Variants in C12orf76 observed in about 807,000 individuals in gnomAD.
The protein encoded by C12orf76 is uncharacterized protein C12orf76.
Under a neutral mutation model 6.8 loss-of-function variants are expected in C12orf76, and 6 were observed. The ratio of observed to expected loss-of-function variants is 0.88; its 90% CI spans 0.48 to 1.73. The LOEUF is 1.73. C12orf76 is among the 40% of genes most tolerant of loss of function. The pLI, the probability that C12orf76 is intolerant of heterozygous loss-of-function variation, is 0.01. For synonymous variants in C12orf76, 56 were observed against 43.7 expected (o/e 1.28, Z -1.11); for missense variants, 99 against 98.2 (o/e 1.01, Z -0.03).
At chr12:110,063,772 T>A (rs115199894) in intron 2 of C12orf76, among the ~76,000 whole-genome samples, 10,427 of 151,858 alleles carry the variant, frequency 0.069, 587 homozygotes, top group African/African-American at 0.15. Flanking sequence ...CCAGGCATGA[T>A]GACGGGTGCC....
upstream of C12orf76, among the ~76,000 whole-genome samples, chr12:110,072,626 G>C (rs1182776235): frequency 6.6e-6 from 1 of 151,402 alleles, no homozygotes. Context: ...GTTTCTTTTA[G>C]AAAAAACAAA....
upstream of C12orf76, chr12:110,048,706 C>A (rs1892519237): frequency 2.5e-6 from 3 of 1,221,784 alleles, no homozygotes; most frequent in Non-Finnish European, 3.1e-6. Context: ...ACCAACTTTC[C>A]GTTCAGATCA....
At chr12:110,072,936 G>A (rs1444762243) in intron 1 of C12orf76, among the ~76,000 whole-genome samples, 1 of 144,778 alleles carries the variant, frequency 6.9e-6, no homozygotes, top group Non-Finnish European at 1.5e-5. Context: ...GTACAAGAGC[G>A]AGACTTCATC....
At chr12:110,066,017 T>G in exon 2 of C12orf76, 1 of 1,596,558 alleles carries the variant, frequency 6.3e-7, no homozygotes, top group South Asian at 1.1e-5. Flanking sequence ...GACCTCCCCC[T>G]CAAGCTCTCA....
intron 2 of C12orf76, among the ~76,000 whole-genome samples, chr12:110,060,341 A>G (rs1227119520): frequency 6.6e-6 from 1 of 150,770 alleles, no homozygotes; most frequent in Non-Finnish European, 1.5e-5. Flanking sequence ...ATCTCCATTC[A>G]CTCCTCCGCC....
chr12:110,051,304 C>T (rs1892571314), upstream of C12orf76: 1 of 703,900 alleles, frequency 1.4e-6, no homozygotes, highest in Non-Finnish European at 2.6e-6. Flanking sequence ...CCTCTCTGCA[C>T]AATGGGAAGC....
intron 4 of C12orf76, chr12:110,056,934 T>G (rs1892677898): frequency 2.3e-6 from 1 of 426,474 alleles, no homozygotes; most frequent in South Asian, 3.6e-5. Flanking sequence ...GTAAATTACC[T>G]AGTCTCGAAT....
chr12:110,061,933 G>A (rs1298836099), intron 2 of C12orf76, among the ~76,000 whole-genome samples: 3 of 152,078 alleles, frequency 2.0e-5, no homozygotes, highest in Non-Finnish European at 2.9e-5. Context: ...TTGGACAAGT[G>A]ACTTAACCTT....
Position 110,048,507 on chromosome 12 carries a change from C to G in C12orf76, c.-12G>C, listed in dbSNP as rs1278070292. On this transcript the variant is annotated 5_prime_UTR_variant, in exon 1 of 2. Transcript: ENST00000615315. ...GCTGGACGCAGCATCTTCCCCAGCC[C>G]TGCAGAAGCAGAGAGGCCACTTCCG... The G allele has an allele frequency of 8.5e-6, 12 of 1,413,200 alleles. No individual in the cohort carries two copies. The highest frequency in any genetic ancestry group is 1.1e-5 in the Non-Finnish European group (12 of 1,084,602). The allele number at this position is 1,413,200 out of a possible 1,614,324, so 87.5% of individuals were successfully genotyped here. A position where few individuals can be genotyped will look rare whatever the true frequency, so the allele number is the denominator to read the frequency against.
In C12orf76 at chr12:110,054,495, A is replaced by C. The variant is rs1892636999; in HGVS notation, n.664+2694T>G. 6.6e-6 allele frequency among the ~76,000 whole-genome samples: 1 copy of C among 152,226 alleles called. No individual in the cohort carries two copies. The highest frequency in any genetic ancestry group is 1.9e-4 in the East Asian group (1 of 5,200). On this transcript the variant is annotated intron_variant and non_coding_transcript_variant, in intron 4 of 4. Transcript: ENST00000309050. The surrounding 1 kb of genome is among the most constrained non-coding windows in gnomAD (Gnocchi z 4.4). ...GACTCCATTTATATGAAATACCCAG[A>C]ATAGGTAAATCCATAGAGACAGAGA...
At chr12:110,047,678 A>G (rs1892486027) in intron 1 of C12orf76, among the ~76,000 whole-genome samples, 2 of 152,076 alleles carry the variant, frequency 1.3e-5, no homozygotes, top group Non-Finnish European at 2.9e-5. Context: ...AGGAGACACT[A>G]TTGTAAAAGA....
chr12:110,044,041 A>AAT (rs1892385848), intron 1 of C12orf76: 1 of 152,040 alleles, frequency 6.6e-6, no homozygotes, highest in African/African-American at 2.4e-5. Flanking sequence ...TAAAGAAAAA[A>AAT]AAAAACTAGC....
chr12:110,048,261 C>T (rs1593244358), intron 1 of C12orf76, 102 bp downstream of exon 1: 2 of 1,344,196 alleles, frequency 1.5e-6, no homozygotes, highest in Non-Finnish European at 1.9e-6. Context: ...CACCCATCTC[C>T]CCACTCTATC....
chr12:110,048,342 G>A lies in C12orf76; in HGVS notation c.133+21C>T, dbSNP rs191281727. 5,955 of 1,483,030 alleles carry A rather than the reference G, an allele frequency of 4.0e-3. 18 individuals are homozygous for A. Among genetic ancestry groups the A allele is most frequent in the Non-Finnish European group, 4.9e-3 (5,538 of 1,121,060 alleles). 91.9% of individuals were successfully genotyped at this position (1,483,030 alleles called of 1,614,324 possible). A position where few individuals can be genotyped will look rare whatever the true frequency, so the allele number is the denominator to read the frequency against. ...AAAGCTCAGGCACTACCCGCCGCCC[G>A]CCAGCCCGAGGGCCGCTCACCCAGG... On this transcript the variant is annotated intron_variant, in intron 1 of 1. Transcript: ENST00000615315.
Position 110,048,343 on chromosome 12 carries a change from C to T in C12orf76, c.133+20G>A. On this transcript the variant is annotated intron_variant, in intron 1 of 1. Coordinates refer to ENST00000615315, the MANE Select transcript of C12orf76 (RefSeq NM_001389625.1). ...AAGCTCAGGCACTACCCGCCGCCCG[C>T]CAGCCCGAGGGCCGCTCACCCAGGT... 1.3e-6 allele frequency: 2 copies of T among 1,486,142 alleles called. No homozygotes were observed. Among genetic ancestry groups the T allele is most frequent in the Non-Finnish European group, 1.8e-6 (2 of 1,122,652 alleles). The allele number at this position is 1,486,142 out of a possible 1,614,324, so 92.1% of individuals were successfully genotyped here.
intron 2 of C12orf76, chr12:110,059,258 T>C (rs755859391): frequency 1.5e-6 from 2 of 1,370,910 alleles, no homozygotes; most frequent in Non-Finnish European, 1.9e-6. Flanking sequence ...CTCTATCTAA[T>C]AGTTTTCTTG....
rs1020723967 is a variant in C12orf76, at chr12:110,054,448, C to A, written n.664+2741G>T. Among the ~76,000 whole-genome samples the A allele has an allele frequency of 5.3e-5, 8 of 152,208 alleles. No individual in the cohort carries two copies. Among genetic ancestry groups the A allele is most frequent in the Non-Finnish European group, 1.2e-4 (8 of 68,044 alleles). ...TCTGCTACCTCAGAGAGGCTAGTCA[C>A]AAAAGGCCACACATATTGATTGACT... On this transcript the variant is annotated intron_variant and non_coding_transcript_variant, in intron 4 of 4. Transcript: ENST00000309050. The surrounding 1 kb of genome is among the most constrained non-coding windows in gnomAD (Gnocchi z 4.4).
intron 2 of C12orf76, among the ~76,000 whole-genome samples, chr12:110,059,467 C>T (rs530876343): frequency 6.6e-6 from 1 of 152,326 alleles, no homozygotes; most frequent in South Asian, 2.1e-4. Flanking sequence ...AGAATGCACT[C>T]AGGCTATGCT....
intron 2 of C12orf76, among the ~76,000 whole-genome samples, chr12:110,062,359 AAAG>A (rs1892784528): frequency 6.6e-6 from 1 of 152,190 alleles, no homozygotes; most frequent in South Asian, 2.1e-4. Flanking sequence ...ATTGTCCAGG[AAAG>A]ACAAATCTAT....
Sources: allele counts gnomAD v4.1 joint callset (sites outside exome capture counted in the v4.1 genomes callset), GRCh38; gene constraint gnomAD v4.1.1; non-coding constraint Gnocchi (gnomAD v3.1); transcripts MANE v1.5; gene names NCBI Gene and HGNC (gene_info 2026-07-23, HGNC 2026-07-21).